Variants in ADGRL1 observed in about 807,000 individuals in gnomAD.
ADGRL1 encodes the protein adhesion G protein-coupled receptor L1, also known as CIRL-1.
Under a neutral mutation model 148.9 loss-of-function variants are expected in ADGRL1, and 31 were observed. That is an observed-to-expected ratio of 0.21 (90% CI 0.16 to 0.28). The LOEUF is 0.28. ADGRL1 is among the 10% of genes least tolerant of loss of function. The probability of loss-of-function intolerance (pLI) is 1.00; values close to 1 mark genes in which losing one functional copy is unlikely to be tolerated. For missense variants in ADGRL1, 1,521 were observed against 2,058.8 expected, an observed-to-expected ratio of 0.74 and a Z score of 5.05; for synonymous variants, 937 against 900.3, an observed-to-expected ratio of 1.04 and a Z score of -0.73.
chr19:14,177,605 A>T lies in ADGRL1; in HGVS notation c.210T>A (p.Ile70=). The T allele has an allele frequency of 1.2e-6, 2 of 1,614,174 alleles. No individual in the cohort carries two copies. Among genetic ancestry groups the T allele is most frequent in the Non-Finnish European group, 1.7e-6 (2 of 1,180,036 alleles). The change falls in exon 3 of 23, where the codon ATT becomes ATA. Residue 70 remains isoleucine (I), a synonymous_variant. Transcript: ENST00000361434. ...CCATCTGGAAAGGGTCAGCATCGCA[A>T]ATCTTGTCGTCCGTGCGCCCGTAGT... ...NANYGRTDDK[I]CDADPFQMEN...
rs553292758 is a variant in ADGRL1, at chr19:14,191,392, G to A, written c.-95-7695C>T. 1.3e-5 allele frequency: 6 copies of A among 456,718 alleles called. No individual in the cohort carries two copies. In the East Asian group the frequency reaches 4.2e-4, roughly 32 times the overall value. The allele number at this position is 456,718 out of a possible 1,614,324, so 28.3% of individuals were successfully genotyped here. ...AACGGGGATACCTCAGAGGGCAGCT[G>A]TGCAACAGGACAAATTCACACACGA... On this transcript the variant is annotated intron_variant, in intron 1 of 22. Transcript: ENST00000361434.
intron 2 of ADGRL1, among the ~76,000 whole-genome samples, chr19:14,183,201 G>GAGAGAGAGAGAGAT (rs1380106443): frequency 6.7e-6 from 1 of 148,892 alleles, no homozygotes; most frequent in Non-Finnish European, 1.5e-5. Flanking sequence ...CACAGAGAGA[G>GAGAGAGAGAGAGAT]AGAGAGAGAG....
At chr19:14,187,966 G>A (rs1176568205) in intron 1 of ADGRL1, among the ~76,000 whole-genome samples, 2 of 151,982 alleles carry the variant, frequency 1.3e-5, no homozygotes, top group African/African-American at 2.4e-5. Flanking sequence ...ACGGTGACTC[G>A]TGCCTGTGAT....
intron 3 of ADGRL1, among the ~76,000 whole-genome samples, chr19:14,175,391 CCA>C (rs1169596554): frequency 6.6e-6 from 1 of 151,766 alleles, no homozygotes; most frequent in African/African-American, 2.4e-5. Context: ...CCACCCACCC[CCA>C]CACACGTGCA....
chr19:14,163,488 GAGAGA>G, intron 4 of ADGRL1, 82 bp from the exon 5 acceptor site: 1 of 1,065,688 alleles, frequency 9.4e-7, no homozygotes, highest in Admixed American at 2.7e-5. Flanking sequence ...GAGAGAGAGA[GAGAGA>G]GAGAGGGGGG....
chr19:14,177,440 A>G, intron 3 of ADGRL1, 91 bp downstream of exon 3: 2 of 1,240,610 alleles, frequency 1.6e-6, no homozygotes, highest in Non-Finnish European at 2.3e-6. Flanking sequence ...AATGCATAAA[A>G]AAAAGATGTA....
intron 1 of ADGRL1, among the ~76,000 whole-genome samples, chr19:14,196,545 G>C (rs1461615613): frequency 2.6e-5 from 4 of 152,110 alleles, no homozygotes; most frequent in African/African-American, 4.8e-5. Context: ...TCTTGAGCCC[G>C]GGTGGTGGAG....
chr19:14,184,977 C>G (rs568363215), intron 1 of ADGRL1, among the ~76,000 whole-genome samples: 55 of 152,184 alleles, frequency 3.6e-4, no homozygotes, highest in African/African-American at 1.3e-3. Flanking sequence ...GAGAGGAGGT[C>G]TTGCTATGTT....
At chr19:14,193,759 A>G in intron 1 of ADGRL1, among the ~76,000 whole-genome samples, 1 of 152,210 alleles carries the variant, frequency 6.6e-6, no homozygotes, top group Non-Finnish European at 1.5e-5. Flanking sequence ...ACAGACATGC[A>G]CAGAAGACCA....
At chr19:14,203,802 C>G (rs1160024025) in intron 1 of ADGRL1, among the ~76,000 whole-genome samples, 1 of 143,080 alleles carries the variant, frequency 7.0e-6, no homozygotes, top group Non-Finnish European at 1.5e-5. Flanking sequence ...CAGGAATCAG[C>G]GTGGGTGATC....
At chr19:14,188,775 C>CT (rs748188794) in intron 1 of ADGRL1, among the ~76,000 whole-genome samples, 5 of 152,078 alleles carry the variant, frequency 3.3e-5, no homozygotes, top group Non-Finnish European at 5.9e-5. Context: ...GCACCACCTC[C>CT]TTTTTTTTCT....
intron 1 of ADGRL1, among the ~76,000 whole-genome samples, chr19:14,195,608 C>T (rs944581430): frequency 3.3e-5 from 5 of 152,238 alleles, no homozygotes; most frequent in East Asian, 1.9e-4. Context: ...CAAACCCAGC[C>T]GCCCATGAGC....
chr19:14,162,802 C>T lies in ADGRL1; in HGVS notation c.999G>A (p.Glu333=). The change falls in exon 5 of 23, where the codon GAG becomes GAA. Residue 333 remains glutamate, a synonymous_variant. Transcript: ENST00000361434. This position sits in a 1 kb window ranked among gnomAD's most constrained non-coding sequence, Gnocchi z 5.4. ...LRSVYVDDDS[E]AAGNRVDYAF... Reference sequence around the variant, plus strand: ...CATAGTCCACGCGGTTGCCAGCCGCCTCGCTGTCATCATCCACGTACACGG... The same window carrying T: ...CATAGTCCACGCGGTTGCCAGCCGCTTCGCTGTCATCATCCACGTACACGG... The T allele has an allele frequency of 1.9e-6, 3 of 1,613,936 alleles. No individual in the cohort carries two copies. Among genetic ancestry groups the T allele is most frequent in the Non-Finnish European group, 2.5e-6 (3 of 1,179,962 alleles).
chr19:14,160,866 C>T lies in ADGRL1; in HGVS notation c.1511-170G>A, dbSNP rs77969107. Among the ~76,000 whole-genome samples the T allele has an allele frequency of 0.036, 5,545 of 152,186 alleles. 191 individuals are homozygous for T. Among genetic ancestry groups the T allele is most frequent in the African/African-American group, 0.096 (3,987 of 41,496 alleles). ...AAGCGGGCTGGACAGTCGAAAGAGG[C>T]GCCACTCACTTCCCCTGAGCTCTCC... On this transcript the variant is annotated intron_variant, in intron 6 of 22. Coordinates refer to ENST00000361434, the MANE Select transcript of ADGRL1 (RefSeq NM_014921.5). This position sits in a 1 kb window ranked among gnomAD's most constrained non-coding sequence, Gnocchi z 5.9.
In ADGRL1 at chr19:14,152,197, T is replaced by G. The variant is rs1568564091; in HGVS notation, c.3650-47A>C. On this transcript the variant is annotated intron_variant, in intron 21 of 22. Coordinates refer to ENST00000361434, the MANE Select transcript of ADGRL1 (RefSeq NM_014921.5). This position sits in a 1 kb window ranked among gnomAD's most constrained non-coding sequence, Gnocchi z 6.1. ...GAGAAGAGAAAAGGCAAGGATGAGCTCGAAATGCAAGTCCAGGCTCCAGTT... is the reference window on the plus strand; with the variant it reads ...GAGAAGAGAAAAGGCAAGGATGAGCGCGAAATGCAAGTCCAGGCTCCAGTT... The G allele has an allele frequency of 6.2e-7, 1 of 1,613,910 alleles. No individual in the cohort carries two copies.
chr19:14,160,037 C>T lies in ADGRL1; in HGVS notation c.1800+75G>A. 1.4e-6 allele frequency: 2 copies of T among 1,457,442 alleles called. No homozygotes were observed. Among genetic ancestry groups the T allele is most frequent in the South Asian group, 1.3e-5 (1 of 75,306 alleles). 90.3% of individuals were successfully genotyped at this position (1,457,442 alleles called of 1,614,324 possible). On this transcript the variant is annotated intron_variant, in intron 8 of 22. Coordinates refer to ENST00000361434, the MANE Select transcript of ADGRL1 (RefSeq NM_014921.5). The surrounding 1 kb of genome is among the most constrained non-coding windows in gnomAD (Gnocchi z 5.9). ...AGGTGGCAGCCTGGCTGGGAGGTAC[C>T]AGGTCAGGTACTTCCCAAGCCCCTG...
chr19:14,194,647 G>A (rs1972144482), intron 1 of ADGRL1, among the ~76,000 whole-genome samples: 1 of 152,222 alleles, frequency 6.6e-6, no homozygotes, highest in Non-Finnish European at 1.5e-5. Context: ...AGGGAGGGCT[G>A]GCTCCCCAGG....
At chr19:14,193,212 G>A (rs1264029190) in intron 1 of ADGRL1, among the ~76,000 whole-genome samples, 7 of 144,890 alleles carry the variant, frequency 4.8e-5, no homozygotes, top group Non-Finnish European at 7.4e-5. Flanking sequence ...ACCCAGGCCT[G>A]ACCATCCCTG....
intron 1 of ADGRL1, among the ~76,000 whole-genome samples, chr19:14,201,488 C>T (rs1282505104): frequency 6.6e-6 from 1 of 151,312 alleles, no homozygotes; most frequent in African/African-American, 2.4e-5. Flanking sequence ...GCAATCATAG[C>T]TCACTGCAGC....
Sources: gnomAD v4.1 joint callset for allele counts (sites outside exome capture counted in the v4.1 genomes callset) on GRCh38, gnomAD v4.1.1 for gene constraint, Gnocchi (gnomAD v3.1) non-coding constraint, MANE v1.5 for transcripts, NCBI Gene and HGNC (gene_info 2026-07-23, HGNC 2026-07-21) for gene names.